The following CYBA variants were observed in gnomAD, a reference collection of about 807,000 sequenced individuals.
CYBA encodes cytochrome b-245 alpha chain, also known as cytochrome b-245 light chain.
In CYBA, 21 loss-of-function variants were observed where a neutral mutation model predicts 20.8. That is an observed-to-expected ratio of 1.01 (90% confidence interval 0.72 to 1.46). The LOEUF (loss-of-function observed/expected upper bound fraction) is 1.46, where lower values mean the gene tolerates loss of function less well. CYBA is among the 40% of genes most tolerant of loss of function. The pLI is 0.00. For missense variants in CYBA, 344 were observed against 287.0 expected (o/e 1.20, Z -1.43); for synonymous variants, 164 against 127.5 (o/e 1.29, Z -1.93).
At chr16:88,649,637 T>C (rs906054340) in intron 1 of CYBA, among the ~76,000 whole-genome samples, 4 of 152,170 alleles carry the variant, frequency 2.6e-5, no homozygotes, top group Non-Finnish European at 4.4e-5. Context: ...GAGACAGCCA[T>C]GAGGCTCTGC....
At chr16:88,650,677 C>T in intron 1 of CYBA, 1 of 606,672 alleles carries the variant, frequency 1.6e-6, no homozygotes, top group Non-Finnish European at 3.0e-6. Flanking sequence ...CTGCAACTTC[C>T]TCCTTCGCGG....
chr16:88,646,344 G>C, intron 4 of CYBA, 147 bp from the exon 5 acceptor site: 1 of 518,610 alleles, frequency 1.9e-6, no homozygotes, highest in Non-Finnish European at 3.3e-6. Context: ...GCTTGTTTCG[G>C]TCCTGGGTGT....
chr16:88,648,054 G>A lies in CYBA; in HGVS notation c.119C>T (p.Ala40Val), dbSNP rs1296641855. ...AGRFTQWYFGAYSIVAGVFVC... is the reference protein window; with the variant it reads ...AGRFTQWYFGVYSIVAGVFVC... ...TCAGGTGGAAGGATACATGGAGTAG[G>A]CACCAAAGTACCACTGGGTGAAGCG... Residue 40 changes from alanine (A) to valine (V), a missense_variant, in exon 2 of 6, where the codon GCC becomes GTC. Coordinates refer to ENST00000261623, the MANE Select transcript of CYBA (RefSeq NM_000101.4). 2 of 1,612,688 alleles carry A rather than the reference G, an allele frequency of 1.2e-6. No individual in the cohort carries two copies. Among genetic ancestry groups the A allele is most frequent in the Admixed American group, 3.3e-5 (2 of 59,946 alleles).
chr16:88,645,938 A>AAGG, intron 5 of CYBA, 178 bp downstream of exon 5: 2 of 614,316 alleles, frequency 3.3e-6, no homozygotes, highest in Non-Finnish European at 5.8e-6. Context: ...CACGCCAAAA[A>AAGG]TGGCAGCAGC....
chr16:88,649,171 T>C (rs925141118), intron 1 of CYBA, among the ~76,000 whole-genome samples: 15 of 148,418 alleles, frequency 1.0e-4, no homozygotes, highest in Non-Finnish European at 1.9e-4. Context: ...TCTCCTGACC[T>C]CGTGATCCGC....
At chr16:88,644,108 C>A (rs1029493150) in intron 5 of CYBA, among the ~76,000 whole-genome samples, 6 of 152,332 alleles carry the variant, frequency 3.9e-5, no homozygotes, top group Admixed American at 2.0e-4. Context: ...TGGGCCCATG[C>A]CCGGAGGTTC....
intron 4 of CYBA, 129 bp from the exon 5 acceptor site, chr16:88,646,326 G>A (rs1336180342): frequency 1.4e-6 from 1 of 692,512 alleles, no homozygotes; most frequent in South Asian, 1.7e-5. Flanking sequence ...GGACGTGCGC[G>A]GACCGGGGCT....
rs766507361 is a variant in CYBA at position 88,643,346 on chromosome 16, G to A, written c.*7C>T. On this transcript the variant is annotated 3_prime_UTR_variant, in exon 6 of 6. Transcript: ENST00000261623. The surrounding 1 kb of genome is among the most constrained non-coding windows in gnomAD (Gnocchi z 4.3). Reference sequence around the variant, plus strand: ...GCACCTGGCGGGAGGGCAGGTCCGGGGCGAGGTCACACGACCTCGTCGGTC... The same window carrying A: ...GCACCTGGCGGGAGGGCAGGTCCGGAGCGAGGTCACACGACCTCGTCGGTC... 6.6e-7 allele frequency: 1 copy of A among 1,514,118 alleles called. No homozygotes were observed. The highest frequency in any genetic ancestry group is 1.2e-5 in the South Asian group (1 of 81,058). 93.8% of individuals were successfully genotyped at this position (1,514,118 alleles called of 1,614,324 possible).
At chr16:88,644,347 G>C (rs1323623064) in intron 5 of CYBA, among the ~76,000 whole-genome samples, 7 of 152,192 alleles carry the variant, frequency 4.6e-5, no homozygotes, top group Non-Finnish European at 7.3e-5. Context: ...GCCAGGGAAA[G>C]GTGTTTTCAC....
intron 4 of CYBA, 88 bp downstream of exon 4, chr16:88,646,667 T>C (rs1907294179): frequency 1.6e-6 from 2 of 1,217,956 alleles, no homozygotes; most frequent in African/African-American, 1.5e-5. Context: ...GGGTGGCTCC[T>C]GTCCAGGCAG....
intron 1 of CYBA, among the ~76,000 whole-genome samples, chr16:88,649,132 T>C (rs1907408380): frequency 6.6e-6 from 1 of 151,544 alleles, no homozygotes; most frequent in South Asian, 2.1e-4. Flanking sequence ...AGAGACGGGG[T>C]TTCACTGTGT....
chr16:88,650,800 C>G (rs752945769), intron 1 of CYBA, 156 bp downstream of exon 1: 82 of 766,844 alleles, frequency 1.1e-4, no homozygotes, highest in Admixed American at 1.4e-4. Flanking sequence ...CCTGAGGGTC[C>G]CGCCCCCGTT....
rs182948751 is a variant in CYBA, at chr16:88,646,855, G to T, written c.204-17C>A. 4 of 1,601,664 alleles carry T rather than the reference G, an allele frequency of 2.5e-6. No homozygotes were observed. Among genetic ancestry groups the T allele is most frequent in the Non-Finnish European group, 2.6e-6 (3 of 1,169,398 alleles). On this transcript the variant is annotated splice_polypyrimidine_tract_variant and intron_variant, in intron 3 of 5. Coordinates refer to ENST00000261623, the MANE Select transcript of CYBA (RefSeq NM_000101.4). ...TTCTGTCCCCTGGGGGAGGGAGGAA[G>T]GCGAGACGGCGCGGCTGGGCCTCTC...
chr16:88,646,925 C>T, intron 3 of CYBA, 87 bp from the exon 4 acceptor site: 1 of 1,276,860 alleles, frequency 7.8e-7, no homozygotes, highest in Non-Finnish European at 1.1e-6. Context: ...CCCAGGGCAC[C>T]CAGGCCTCTT....
chr16:88,647,184 A>C lies in CYBA; in HGVS notation c.129-9T>G, dbSNP rs746059108. The stretch of plus-strand genomic sequence containing the variant: ...CAAACACGCCCGCCACACTGAAGCC[A>C]TGTGGTTAAGGAACAGCCCAGCTCA... On this transcript the variant is annotated splice_polypyrimidine_tract_variant and intron_variant, in intron 2 of 5. Transcript: ENST00000261623. 7.4e-6 allele frequency: 12 copies of C among 1,611,664 alleles called. No homozygotes were observed. In the South Asian group the frequency reaches 1.3e-4, roughly 18 times the overall value.
Position 88,650,612 on chromosome 16 carries a change from G to C in CYBA, c.58+344C>G, listed in dbSNP as rs1011153605. ...CCCAGGCCGGAGCCCCCACTCGGGG[G>C]CTTCGGGGCGGTGACCCCGGAAACC... On this transcript the variant is annotated intron_variant, in intron 1 of 5. Coordinates refer to ENST00000261623, the MANE Select transcript of CYBA (RefSeq NM_000101.4). 4.6e-5 allele frequency: 24 copies of C among 519,880 alleles called. No individual in the cohort carries two copies. The Admixed American group carries it at 6.3e-4, about 14-fold the overall frequency. 32.2% of individuals were successfully genotyped at this position (519,880 alleles called of 1,614,324 possible).
chr16:88,644,744 G>C, intron 5 of CYBA: 1 of 198,712 alleles, frequency 5.0e-6, no homozygotes, highest in South Asian at 8.6e-5. Context: ...AGAATTGCTT[G>C]AACCCAGGAG....
rs1907511948 is a variant in CYBA at position 88,651,038 on chromosome 16, C to T, written c.-25G>A. The T allele has an allele frequency of 3.8e-6, 6 of 1,580,552 alleles. No individual in the cohort carries two copies. In the East Asian group the frequency reaches 1.4e-4, roughly 37 times the overall value. On this transcript the variant is annotated 5_prime_UTR_variant, in exon 1 of 6. The change creates a new upstream start codon in the 5' untranslated region. Coordinates refer to ENST00000261623, the MANE Select transcript of CYBA (RefSeq NM_000101.4). The stretch of plus-strand genomic sequence containing the variant: ...TGGCGACACGAACCCGGCTGGGACA[C>T]TGCTAGGCGCGCACTGCCGCCCCTG...
At chr16:88,650,144 A>G (rs1245962867) in intron 1 of CYBA, 3 of 327,392 alleles carry the variant, frequency 9.2e-6, no homozygotes, top group South Asian at 6.9e-5. Flanking sequence ...CCTCCTCCTC[A>G]CCCTCAGCCC....
Sources: allele counts gnomAD v4.1 joint callset (sites outside exome capture counted in the v4.1 genomes callset), GRCh38; gene constraint gnomAD v4.1.1; non-coding constraint Gnocchi (gnomAD v3.1); transcripts MANE v1.5; gene names NCBI Gene and HGNC (gene_info 2026-07-23, HGNC 2026-07-21).